Variants in MUC4 observed in about 807,000 individuals in gnomAD.
MUC4 encodes the protein mucin 4, cell surface associated.
Under a neutral mutation model 257.9 loss-of-function variants are expected in MUC4, and 202 were observed. The ratio of observed to expected loss-of-function variants is 0.78; its 90% CI spans 0.70 to 0.88. The LOEUF is 0.88. Among genes scored for constraint, MUC4 ranks in the 40% least tolerant of loss-of-function variants. The pLI, the probability that MUC4 is intolerant of heterozygous loss-of-function variation, is 0.00. For synonymous variants in MUC4, 2,351 were observed against 2,757.1 expected (o/e 0.85, Z 4.62); for missense variants, 5,976 against 6,513.7 (o/e 0.92, Z 2.84).
intron 4 of MUC4, among the ~76,000 whole-genome samples, chr3:195,773,852 C>T (rs899832316): frequency 6.6e-6 from 1 of 152,270 alleles, no homozygotes; most frequent in Non-Finnish European, 1.5e-5. Context: ...CCCTCCAACT[C>T]TGCTCCAGGA....
At position 195,780,193 on chromosome 3, in the gene MUC4, G is replaced by T. The variant is rs774134232; in HGVS notation, c.11387C>A (p.Thr3796Asn). The change falls in exon 2 of 25, where the codon ACC becomes AAC. Residue 3796 changes from threonine (T) to asparagine (N), a missense_variant. This residue lies in a region of MUC4 where 330 missense variants were observed against 262.0 expected (regional missense o/e 1.26). Coordinates refer to ENST00000463781, the MANE Select transcript of MUC4 (RefSeq NM_018406.7). ...STGDTTPLPV[T>N]DTSSASTGQA... ...ACCTGTGGATGCTGAGGAAGTGTCG[G>T]TGACAGGAAGAGGGGTGGTGTCACC... 73 of 1,464,076 alleles carry T rather than the reference G, an allele frequency of 5.0e-5. No homozygotes were observed. In the East Asian group the frequency reaches 1.7e-3, roughly 34 times the overall value. The allele number at this position is 1,464,076 out of a possible 1,614,324, so 90.7% of individuals were successfully genotyped here.
At position 195,785,623 on chromosome 3, in the gene MUC4, G is replaced by C. The variant is rs776991137; in HGVS notation, c.5957C>G (p.Pro1986Arg). 6.6e-7 allele frequency: 1 copy of C among 1,525,968 alleles called. No homozygotes were observed. The highest frequency in any genetic ancestry group is 8.8e-7 in the Non-Finnish European group (1 of 1,135,876). 94.5% of individuals were successfully genotyped at this position (1,525,968 alleles called of 1,614,324 possible). A position where few individuals can be genotyped will look rare whatever the true frequency, so the allele number is the denominator to read the frequency against. ...GGACACTGAGGAAGCGTCGGTGACA[G>C]GAAGAGGGGTGGCGTGACCTGTGGA... ...SVSTGHATPL[P>R]VTDASSVSTG... The change falls in exon 2 of 25, where the codon CCT becomes CGT. Residue 1986 changes from proline (P) to arginine (R), a missense_variant. Transcript: ENST00000463781.
rs772652678 is a variant in MUC4 at position 195,787,197 on chromosome 3, G to T, written c.4383C>A (p.Asp1461Glu). 8 of 724,450 alleles carry T rather than the reference G, an allele frequency of 1.1e-5. No individual in the cohort carries two copies. Among genetic ancestry groups the T allele is most frequent in the East Asian group, 2.9e-5 (1 of 34,908 alleles). The allele number at this position is 724,450 out of a possible 1,614,324, so 44.9% of individuals were successfully genotyped here. A position where few individuals can be genotyped will look rare whatever the true frequency, so the allele number is the denominator to read the frequency against. The change falls in exon 2 of 25, where the codon GAC (aspartate) becomes GAA (glutamate). Residue 1461 changes from aspartate to glutamate, a missense_variant. By Grantham distance (45) the Asp-to-Glu change is conservative (BLOSUM62 2). Transcript: ENST00000463781. ...CCTGACCTGTGGATGCTGAGGAAGT[G>T]TCGGTGACAGGAAGAGGGGTGGTGT... is the stretch of plus-strand genomic sequence containing the variant. ...TGHTTPLPVT[D>E]TSSASTGQAT...
At chr3:195,767,814 T>TCACCACCACCAC (rs1221256353) in intron 7 of MUC4, among the ~76,000 whole-genome samples, 1 of 42,878 alleles carries the variant, frequency 2.3e-5, no homozygotes, top group Non-Finnish European at 4.3e-5. Flanking sequence ...ATCACCACCA[T>TCACCACCACCAC]CACCACCACC....
In MUC4 at chr3:195,780,415, G is replaced by A. The variant is rs1727020328; in HGVS notation, c.11165C>T (p.Ser3722Phe). The change falls in exon 2 of 25, where the codon TCT becomes TTT. Residue 3722 changes from serine (S) to phenylalanine (F), a missense_variant. Physicochemically the swap from Ser to Phe is radical, Grantham distance 155. This residue lies in a region of MUC4 where 330 missense variants were observed against 262.0 expected (regional missense o/e 1.26). Coordinates refer to ENST00000463781, the MANE Select transcript of MUC4 (RefSeq NM_018406.7). ...PLPVTSTSSV[S>F]TGHVTPLHVT... ...ATGAAGAGGGGTGACGTGACCTGTAGATACTGAGGAAGTGCTGGTGACAGG... is the reference window on the plus strand; with the variant it reads ...ATGAAGAGGGGTGACGTGACCTGTAAATACTGAGGAAGTGCTGGTGACAGG... 1 of 1,536,974 alleles carries A rather than the reference G, an allele frequency of 6.5e-7. No individual in the cohort carries two copies. The highest frequency in any genetic ancestry group is 8.7e-7 in the Non-Finnish European group (1 of 1,145,976).
At chr3:195,766,369 G>T (rs1048570506) in intron 8 of MUC4, among the ~76,000 whole-genome samples, 1 of 152,140 alleles carries the variant, frequency 6.6e-6, no homozygotes, top group Non-Finnish European at 1.5e-5. Flanking sequence ...ACAAGACCCT[G>T]TCCTCACTTC....
chr3:195,762,115 C>T lies in MUC4; in HGVS notation c.14484G>A (p.Glu4828=), dbSNP rs1719107493. ...GGAGCCCCTCCGTGCGGTTCTGGTA[C>T]TCGGGCGGGAGGCTGGCGGAGGCGT... ...ILHASASLPP[E]YQNRTEGLLG... Residue 4828 remains glutamate (E), a synonymous_variant, in exon 14 of 25, where the codon GAG becomes GAA. Transcript: ENST00000463781. 1.2e-6 allele frequency: 2 copies of T among 1,606,264 alleles called. No homozygotes were observed. Among genetic ancestry groups the T allele is most frequent in the Non-Finnish European group, 1.7e-6 (2 of 1,178,236 alleles).
At chr3:195,778,534 G>C in intron 2 of MUC4, 79 bp from the exon 3 acceptor site, 1 of 1,563,204 alleles carries the variant, frequency 6.4e-7, no homozygotes, top group Non-Finnish European at 8.7e-7. Context: ...AAGAAATCAG[G>C]AGCTGGAAGA....
rs953440837 is a variant in MUC4, at chr3:195,755,795, C to T, written c.15168+1352G>A. ...CTTTTCTACCCCCTACCCCACCAAC[C>T]GTCCCTACCTCTATCCCTTTCGAGT... On this transcript the variant is annotated intron_variant, in intron 18 of 24. Transcript: ENST00000463781. This position sits in a 1 kb window ranked among gnomAD's most constrained non-coding sequence, Gnocchi z 5.0. Among the ~76,000 whole-genome samples the T allele has an allele frequency of 6.6e-5, 10 of 152,114 alleles. No homozygotes were observed. The highest frequency in any genetic ancestry group is 6.6e-4 in the Admixed American group (10 of 15,256).
rs1412368398 is a variant in MUC4 at position 195,786,060 on chromosome 3, A to T, written c.5520T>A (p.Ser1840=). 6.6e-7 allele frequency: 1 copy of T among 1,521,464 alleles called. No homozygotes were observed. Among genetic ancestry groups the T allele is most frequent in the Non-Finnish European group, 8.8e-7 (1 of 1,130,324 alleles). 94.2% of individuals were successfully genotyped at this position (1,521,464 alleles called of 1,614,324 possible). ...CTGAGGAAGGGATGGTGACAGGAAG[A>T]GAGGTGGTGTCACCTGTGGATGCTG... is the stretch of plus-strand genomic sequence containing the variant. The part of the protein sequence containing the change: ...ASSASTGDTT[S]LPVTIPSSAS... Residue 1840 remains serine, a synonymous_variant, in exon 2 of 25, where the codon TCT becomes TCA. Transcript: ENST00000463781.
rs1201729241 is a variant in MUC4 at position 195,782,836 on chromosome 3, A to G, written c.8744T>C (p.Val2915Ala). The G allele has an allele frequency of 1.3e-6, 2 of 1,513,858 alleles. No homozygotes were observed. Among genetic ancestry groups the G allele is most frequent in the Non-Finnish European group, 1.8e-6 (2 of 1,123,782 alleles). The allele number at this position is 1,513,858 out of a possible 1,614,324, so 93.8% of individuals were successfully genotyped here. The part of the protein sequence containing the change: ...VSTGDTTPLP[V>A]TDTSSASTGQ... ...TGTGGATGCTGAGGAAGTGTCGGTG[A>G]CAGGAAGAGGCGTGGTGTCACCTGT... The change falls in exon 2 of 25, where the codon GTC becomes GCC. Residue 2915 changes from valine (V) to alanine (A), a missense_variant. This residue lies in a region of MUC4 where 228 missense variants were observed against 206.3 expected (regional missense o/e 1.11). Coordinates refer to ENST00000463781, the MANE Select transcript of MUC4 (RefSeq NM_018406.7).
rs192001741 is a variant in MUC4 at position 195,799,598 on chromosome 3, G to A, written c.83-8101C>T. On this transcript the variant is annotated intron_variant, in intron 1 of 24. Coordinates refer to ENST00000463781, the MANE Select transcript of MUC4 (RefSeq NM_018406.7). Reference sequence around the variant, plus strand: ...ATTACAGGCGTGAGCCACCGCGCCCGGCCTAAACACTAAATAATAAGCCAT... The same window carrying A: ...ATTACAGGCGTGAGCCACCGCGCCCAGCCTAAACACTAAATAATAAGCCAT... 6.6e-5 allele frequency among the ~76,000 whole-genome samples: 10 copies of A among 152,216 alleles called. No homozygotes were observed. In the South Asian group the frequency reaches 8.3e-4, roughly 13 times the overall value.
intron 8 of MUC4, among the ~76,000 whole-genome samples, chr3:195,766,030 G>A (rs1395889732): frequency 2.0e-5 from 3 of 152,006 alleles, no homozygotes; most frequent in African/African-American, 7.3e-5. Context: ...GCGCGATCTC[G>A]GCTCGCTGCA....
chr3:195,764,061 G>C lies in MUC4; in HGVS notation c.14028C>G (p.Tyr4676Ter), dbSNP rs753606196. 6.2e-7 allele frequency: 1 copy of C among 1,610,882 alleles called. No homozygotes were observed. Among genetic ancestry groups the C allele is most frequent in the Non-Finnish European group, 8.5e-7 (1 of 1,179,184 alleles). Residue 4676 changes from tyrosine to a stop codon, truncating the protein, a stop_gained, in exon 11 of 25, where the codon TAC (tyrosine) becomes TAG (stop). Coordinates refer to ENST00000463781, the MANE Select transcript of MUC4 (RefSeq NM_018406.7). LOFTEE classifies it high-confidence loss of function. ...QRRPHVGCATYRPPQPAWMFG... is the reference protein window; with the variant it reads ...QRRPHVGCAT ...GTCGCTCACCGGGCTGTGGGGGCCT[G>C]TATGTAGCACAGCCCACGTGGGGCC...
rs562556770 is a variant in MUC4 at position 195,795,991 on chromosome 3, T to C, written c.83-4494A>G. On this transcript the variant is annotated intron_variant, in intron 1 of 24. Transcript: ENST00000463781. ...ATACCAAAAAGTATGAAAACTTAGATAAATTGGATATACTGTCCTTAAAAA... is the reference window on the plus strand; with the variant it reads ...ATACCAAAAAGTATGAAAACTTAGACAAATTGGATATACTGTCCTTAAAAA... 1.6e-4 allele frequency among the ~76,000 whole-genome samples: 24 copies of C among 152,186 alleles called. No homozygotes were observed. The South Asian group carries it at 4.4e-3, about 28-fold the overall frequency.
Position 195,781,018 on chromosome 3 carries a change from A to G in MUC4, c.10562T>C (p.Leu3521Pro). 6.6e-7 allele frequency: 1 copy of G among 1,525,692 alleles called. No individual in the cohort carries two copies. The allele number at this position is 1,525,692 out of a possible 1,614,324, so 94.5% of individuals were successfully genotyped here. Residue 3521 changes from leucine (L) to proline (P), a missense_variant, in exon 2 of 25, where the codon CTT (leucine) becomes CCT (proline). This residue lies in a region of MUC4 where 297 missense variants were observed against 240.9 expected (regional missense o/e 1.23). Transcript: ENST00000463781. ...TACTGAGGAAGTGTCGGTGACAGGA[A>G]GAGGGGTGGCGTGACCGGTGGATGC... ...SSASTGHATP[L>P]PVTDTSSVST...
chr3:195,769,615 C>T (rs561375438), intron 6 of MUC4: 1 of 166,738 alleles, frequency 6.0e-6, no homozygotes, highest in East Asian at 1.7e-4. Context: ...CAGTAGGTGA[C>T]CAGTGAACTT....
chr3:195,767,855 AT>A (rs1560265887), intron 7 of MUC4, among the ~76,000 whole-genome samples: 1 of 139,590 alleles, frequency 7.2e-6, no homozygotes, highest in Non-Finnish European at 1.6e-5. Flanking sequence ...CATCGCCACC[AT>A]CACCCCCAAC....
chr3:195,794,948 C>G (rs1376042656), intron 1 of MUC4, among the ~76,000 whole-genome samples: 1 of 152,214 alleles, frequency 6.6e-6, no homozygotes, highest in Non-Finnish European at 1.5e-5. Flanking sequence ...GGCTGAACCG[C>G]AGAGCCCTCT....
Sources: allele counts gnomAD v4.1 joint callset (sites outside exome capture counted in the v4.1 genomes callset), GRCh38; gene constraint gnomAD v4.1.1; regional missense constraint gnomAD v4.1.1; non-coding constraint Gnocchi (gnomAD v3.1); transcripts MANE v1.5; gene names NCBI Gene and HGNC (gene_info 2026-07-23, HGNC 2026-07-21).